Variants in TLE2 observed in about 807,000 individuals in gnomAD.
The protein encoded by TLE2 is transducin-like enhancer protein 2.
Under a neutral mutation model 97.2 loss-of-function variants are expected in TLE2, and 74 were observed. That is an observed-to-expected ratio of 0.76 (90% CI 0.63 to 0.92). The LOEUF (loss-of-function observed/expected upper bound fraction) is 0.92, where lower values mean the gene tolerates loss of function less well. TLE2 is among the 40% of genes least tolerant of loss of function. The pLI, the probability that TLE2 is intolerant of heterozygous loss-of-function variation, is 0.00. For missense variants in TLE2, 1,038 were observed against 1,008.7 expected, an observed-to-expected ratio of 1.03 and a Z score of -0.39; for synonymous variants, 499 against 432.1, an observed-to-expected ratio of 1.15 and a Z score of -1.92.
intron 3 of TLE2, 121 bp from the exon 4 acceptor site, chr19:3,027,994 C>T (rs963945676): frequency 5.2e-6 from 5 of 966,950 alleles, no homozygotes; most frequent in Admixed American, 2.2e-5. Flanking sequence ...GGAAGCAGAG[C>T]CCCCCCCAGC....
chr19:3,027,610 T>C (rs983292359), intron 4 of TLE2, among the ~76,000 whole-genome samples: 1 of 152,190 alleles, frequency 6.6e-6, no homozygotes, highest in African/African-American at 2.4e-5. Context: ...CTCCAACTGC[T>C]AGATACTGTC....
chr19:3,008,158 G>A (rs962874211), intron 14 of TLE2, among the ~76,000 whole-genome samples: 2 of 152,192 alleles, frequency 1.3e-5, no homozygotes, highest in Non-Finnish European at 2.9e-5. Flanking sequence ...TGAAAGCCAC[G>A]CCCAGCTGGT....
chr19:3,025,266 G>A (rs1221053169), intron 4 of TLE2, 184 bp from the exon 5 acceptor site: 1 of 1,114,346 alleles, frequency 9.0e-7, no homozygotes, highest in Non-Finnish European at 1.2e-6. Context: ...CCACCAGGCT[G>A]CGTGCTCAGC....
chr19:2,999,413 C>T (rs866785019), intron 19 of TLE2, among the ~76,000 whole-genome samples: 1 of 152,108 alleles, frequency 6.6e-6, no homozygotes, highest in South Asian at 2.1e-4. Context: ...AAATTTCAAT[C>T]ACTGCTGATG....
At chr19:3,000,412 C>G (rs1352901335) in intron 19 of TLE2, among the ~76,000 whole-genome samples, 1 of 152,074 alleles carries the variant, frequency 6.6e-6, no homozygotes, top group African/African-American at 2.4e-5. Flanking sequence ...ATGCATGTTA[C>G]TGCAACTAAA....
rs148621044 is a variant in TLE2, at chr19:3,039,752, G to A, written c.63+5974C>T. Among the ~76,000 whole-genome samples the A allele has an allele frequency of 1.4e-3, 214 of 152,306 alleles. 1 individual carries two copies. Among genetic ancestry groups the A allele is most frequent in the African/African-American group, 4.7e-3 (197 of 41,554 alleles). On this transcript the variant is annotated intron_variant, in intron 1 of 18. Coordinates refer to the TLE2 transcript ENST00000426948. ...ACCAAGGTCACCCAGCATGACGGAC[G>A]CGATGCCAGGTCCCCTGCTAACCTG...
At chr19:3,005,116 A>T (rs1033783471) in intron 17 of TLE2, among the ~76,000 whole-genome samples, 5 of 151,954 alleles carry the variant, frequency 3.3e-5, no homozygotes, top group Non-Finnish European at 5.9e-5. Context: ...GCGTCCAGAG[A>T]TTAAAGGCTA....
upstream of TLE2, among the ~76,000 whole-genome samples, chr19:3,029,881 C>T (rs997868703): frequency 3.3e-5 from 5 of 152,132 alleles, no homozygotes; most frequent in South Asian, 2.1e-4. Flanking sequence ...ACTGCAGCCT[C>T]GAACTCCTGG....
At chr19:3,010,426 T>C (rs547456469) in intron 12 of TLE2, among the ~76,000 whole-genome samples, 1 of 150,822 alleles carries the variant, frequency 6.6e-6, no homozygotes, top group African/African-American at 2.4e-5. Flanking sequence ...CTCAGAAACA[T>C]CCTTGAGCCT....
At chr19:3,006,326 C>G in intron 15 of TLE2, 94 bp downstream of exon 15, 1 of 1,512,890 alleles carries the variant, frequency 6.6e-7, no homozygotes, top group South Asian at 1.3e-5. Flanking sequence ...CACCTGTAGC[C>G]CCACCCACGG....
intron 1 of TLE2, among the ~76,000 whole-genome samples, chr19:3,039,061 T>G (rs1357273456): frequency 1.6e-5 from 2 of 121,454 alleles, no homozygotes; most frequent in African/African-American, 3.1e-5. Context: ...AAATAAAAAT[T>G]AAAAAAAAAA....
chr19:2,998,247 G>GTGTA (rs1159204156), intron 19 of TLE2, among the ~76,000 whole-genome samples: 5 of 109,730 alleles, frequency 4.6e-5, no homozygotes, highest in Non-Finnish European at 6.7e-5. Context: ...ATGTGTGTGT[G>GTGTA]TGTGTGTGTG....
chr19:3,008,869 G>A lies in TLE2; in HGVS notation c.1250C>T (p.Pro417Leu), dbSNP rs774132378. The change falls in exon 14 of 20, where the codon CCG becomes CTG. Residue 417 changes from proline (P) to leucine (L), a missense_variant and splice_region_variant. By Grantham distance (98) the Pro-to-Leu change is moderately conservative. Transcript: ENST00000262953. ...SSLPSIPGGKPAYSFHVSADG... is the reference protein window; with the variant it reads ...SSLPSIPGGKLAYSFHVSADG... ...CAGGGAGCCCCACCCTGGTACTCAC[G>A]GCTTTCCCCCAGGGATGCTGGGTAG... 7.6e-6 allele frequency: 12 copies of A among 1,578,808 alleles called. No homozygotes were observed. The highest frequency in any genetic ancestry group is 1.2e-5 in the South Asian group (1 of 85,564).
At chr19:3,032,533 C>T (rs1301237167), upstream of TLE2, among the ~76,000 whole-genome samples, 2 of 152,122 alleles carry the variant, frequency 1.3e-5, no homozygotes, top group East Asian at 3.8e-4. This position sits in a 1 kb window ranked among gnomAD's most constrained non-coding sequence, Gnocchi z 4.1. Context: ...CCACCGTGCC[C>T]AGCCCACAGT....
intron 14 of TLE2, among the ~76,000 whole-genome samples, chr19:3,007,253 A>G (rs1181457134): frequency 2.0e-5 from 3 of 151,628 alleles, no homozygotes; most frequent in Non-Finnish European, 4.4e-5. Flanking sequence ...ACGCCTGGCT[A>G]ATTTTTTTGT....
chr19:3,005,965 G>C lies in TLE2; in HGVS notation c.1504C>G (p.Arg502Gly), dbSNP rs962570022. 1 of 1,609,530 alleles carries C rather than the reference G, an allele frequency of 6.2e-7. No individual in the cohort carries two copies. Among genetic ancestry groups the C allele is most frequent in the Non-Finnish European group, 8.5e-7 (1 of 1,176,460 alleles). Residue 502 changes from arginine (R) to glycine (G), a missense_variant, in exon 16 of 20, where the codon CGA becomes GGA. Physicochemically the swap from Arg to Gly is moderately radical, Grantham distance 125. Coordinates refer to ENST00000262953, the MANE Select transcript of TLE2 (RefSeq NM_003260.5). The stretch of plus-strand genomic sequence containing the variant: ...TTGCAGGAACGAATGTAGTTGTCTC[G>C]GTTCTGGGGTCGGGGAGAGAAGCAG... ...TPVAQLDCLN[R>G]DNYIRSCKLL... is the part of the protein sequence containing the mutation.
At chr19:3,029,993 G>C (rs2090009985), upstream of TLE2, among the ~76,000 whole-genome samples, 2 of 152,070 alleles carry the variant, frequency 1.3e-5, no homozygotes, top group South Asian at 4.2e-4. Flanking sequence ...GATGGAGTAG[G>C]GGGGCGTCTC....
At chr19:3,018,344 G>C (rs1170004379) in intron 7 of TLE2, among the ~76,000 whole-genome samples, 1 of 151,874 alleles carries the variant, frequency 6.6e-6, no homozygotes, top group Non-Finnish European at 1.5e-5. Context: ...GTCTCACTCT[G>C]TCGCCCAGGC....
chr19:3,024,072 T>G (rs1192606714), intron 5 of TLE2, among the ~76,000 whole-genome samples: 4 of 147,914 alleles, frequency 2.7e-5, no homozygotes, highest in African/African-American at 1.0e-4. Context: ...CTCTGCTCAC[T>G]GCAACCCCCG....
Sources: gnomAD v4.1 joint callset for allele counts (sites outside exome capture counted in the v4.1 genomes callset) on GRCh38, gnomAD v4.1.1 for gene constraint, Gnocchi (gnomAD v3.1) non-coding constraint, MANE v1.5 for transcripts, NCBI Gene and HGNC (gene_info 2026-07-23, HGNC 2026-07-21) for gene names.